LATS2: variants seen among roughly 807,000 people sequenced by gnomAD.
LATS2 encodes large tumor suppressor kinase 2.
A neutral mutation model predicts 76.0 loss-of-function variants in LATS2; 24 were observed. The observed-to-expected ratio is 0.32, with a 90% confidence interval of 0.23 to 0.44. The LOEUF (loss-of-function observed/expected upper bound fraction) is 0.44. LATS2 is among the 20% of genes least tolerant of loss of function. LATS2 has a pLI of 1.00. For synonymous variants in LATS2, 692 were observed against 635.4 expected, an observed-to-expected ratio of 1.09 and a Z score of -1.34; for missense variants, 1,286 against 1,481.2, an observed-to-expected ratio of 0.87 and a Z score of 2.16.
chr13:21,029,533 C>T (rs1872437602), intron 2 of LATS2, among the ~76,000 whole-genome samples: 1 of 152,212 alleles, frequency 6.6e-6, no homozygotes, highest in Non-Finnish European at 1.5e-5. Context: ...TGGCTCATGC[C>T]TGTAATCCCA....
Position 21,006,575 on chromosome 13 carries a change from T to A in LATS2, c.343-15171A>T, listed in dbSNP as rs76750637. Among the ~76,000 whole-genome samples, 820 of 152,300 alleles carry A rather than the reference T, an allele frequency of 5.4e-3. 9 individuals carry two copies. Among genetic ancestry groups the A allele is most frequent in the African/African-American group, 0.019 (791 of 41,574 alleles). On this transcript the variant is annotated intron_variant, in intron 2 of 7. Coordinates refer to ENST00000382592, the MANE Select transcript of LATS2 (RefSeq NM_014572.3). ...CTCCGGAAGAGCAGACTTTTTCTGT[T>A]TGGGCTCCAAGCCACTCCTGGCTCC... is the stretch of plus-strand genomic sequence containing the variant.
chr13:21,024,861 A>G (rs1044788378), intron 2 of LATS2, among the ~76,000 whole-genome samples: 3 of 152,058 alleles, frequency 2.0e-5, no homozygotes, highest in Non-Finnish European at 2.9e-5. Flanking sequence ...GCACACCTCA[A>G]TTGAGATGAG....
intron 1 of LATS2, among the ~76,000 whole-genome samples, chr13:21,050,022 A>C (rs553332344): frequency 5.6e-4 from 85 of 152,174 alleles, no homozygotes; most frequent in Non-Finnish European, 1.1e-3. Context: ...CGGAAGGCTG[A>C]GGCAGGAGAA....
chr13:21,014,192 C>T (rs905181364), intron 2 of LATS2, among the ~76,000 whole-genome samples: 2 of 152,182 alleles, frequency 1.3e-5, no homozygotes, highest in Non-Finnish European at 1.5e-5. Context: ...GGGAAAGGCG[C>T]GCAGGTCACT....
chr13:21,020,480 A>G (rs1872011507), intron 2 of LATS2, among the ~76,000 whole-genome samples: 1 of 152,026 alleles, frequency 6.6e-6, no homozygotes, highest in Non-Finnish European at 1.5e-5. Flanking sequence ...TTTGTAACCA[A>G]AATAGCATTT....
intron 6 of LATS2, among the ~76,000 whole-genome samples, chr13:20,981,121 T>C (rs778446455): frequency 3.9e-5 from 6 of 151,942 alleles, no homozygotes; most frequent in Non-Finnish European, 5.9e-5. Flanking sequence ...AGCCCGGAAA[T>C]GTGTGGTCTG....
intron 1 of LATS2, among the ~76,000 whole-genome samples, chr13:21,058,961 A>G (rs1873536239): frequency 6.6e-6 from 1 of 151,836 alleles, no homozygotes; most frequent in Non-Finnish European, 1.5e-5. Flanking sequence ...AAACATACAA[A>G]GCAGCTTACC....
chr13:21,052,593 C>A (rs1414704920), intron 1 of LATS2, among the ~76,000 whole-genome samples: 1 of 152,144 alleles, frequency 6.6e-6, no homozygotes, highest in African/African-American at 2.4e-5. Flanking sequence ...CTCAAGTGAT[C>A]CACCTGCCTC....
In LATS2 at chr13:21,045,955, C is replaced by T; in HGVS notation, c.72G>A (p.Glu24=). The part of the protein sequence containing the change: ...NSRQRLQEIR[E]GLKQPSKSSV... ...AAGACTTGGATGGCTGTTTTAACCC[C>T]TCACGAATCTCTTGCAGTCGCTGCC... The change falls in exon 2 of 8, where the codon GAG becomes GAA. Residue 24 remains glutamate (E), a synonymous_variant. Coordinates refer to ENST00000382592, the MANE Select transcript of LATS2 (RefSeq NM_014572.3). 2 of 1,614,194 alleles carry T rather than the reference C, an allele frequency of 1.2e-6. No homozygotes were observed. The highest frequency in any genetic ancestry group is 1.1e-5 in the South Asian group (1 of 91,076).
chr13:21,028,092 A>G (rs1595244709), intron 2 of LATS2, among the ~76,000 whole-genome samples: 1 of 151,430 alleles, frequency 6.6e-6, no homozygotes, highest in Non-Finnish European at 1.5e-5. Flanking sequence ...CCCCCACCCC[A>G]CAACAGTCCC....
chr13:21,030,461 C>T (rs1483163255), intron 2 of LATS2, among the ~76,000 whole-genome samples: 3 of 151,692 alleles, frequency 2.0e-5, no homozygotes, highest in South Asian at 4.2e-4. Flanking sequence ...TGGTGGCGGG[C>T]GCCTGTAGTC....
At chr13:21,028,011 T>C (rs936976989) in intron 2 of LATS2, among the ~76,000 whole-genome samples, 7 of 152,166 alleles carry the variant, frequency 4.6e-5, no homozygotes, top group South Asian at 2.1e-4. Flanking sequence ...ACATGTGCCA[T>C]GCTGGTGTGC....
intron 2 of LATS2, among the ~76,000 whole-genome samples, chr13:20,998,680 T>C (rs1870875945): frequency 6.6e-6 from 1 of 152,086 alleles, no homozygotes; most frequent in African/African-American, 2.4e-5. Flanking sequence ...TGCGTGCCCC[T>C]CCCCTGAGCG....
intron 1 of LATS2, among the ~76,000 whole-genome samples, chr13:21,056,121 C>G (rs981965590): frequency 2.1e-4 from 32 of 152,296 alleles, no homozygotes; most frequent in Non-Finnish European, 1.0e-4. Flanking sequence ...AAGGTCTCAC[C>G]TAGGTAGAAT....
chr13:20,989,971 A>C (rs995574179), intron 3 of LATS2, among the ~76,000 whole-genome samples: 1 of 152,242 alleles, frequency 6.6e-6, no homozygotes, highest in Non-Finnish European at 1.5e-5. Context: ...ACCGGAAGGA[A>C]GGACAAAGGT....
chr13:21,002,190 C>T (rs768066493), intron 2 of LATS2, among the ~76,000 whole-genome samples: 11 of 151,760 alleles, frequency 7.2e-5, no homozygotes, highest in African/African-American at 1.9e-4. Flanking sequence ...TGGGATTACA[C>T]GTGTGAGCCA....
At position 20,998,745 on chromosome 13, in the gene LATS2, G is replaced by GCGAGGCGGGGCGGGGCC. The variant is rs1555224840; in HGVS notation, c.343-7358_343-7342dup. Among the ~76,000 whole-genome samples, 1,067 of 152,176 alleles carry GCGAGGCGGGGCGGGGCC rather than the reference G, an allele frequency of 7.0e-3. 11 individuals carry two copies. The highest frequency in any genetic ancestry group is 0.024 in the African/African-American group (1,010 of 41,552). On this transcript the variant is annotated intron_variant, in intron 2 of 7. Transcript: ENST00000382592. ...GGCCCCAAGGCCTTGTCAATGCGGG[G>GCGAGGCGGGGCGGGGCC]CGAGGCGGGGCGGGGCCCGACAACC...
At chr13:20,997,775 G>A (rs993369141) in intron 2 of LATS2, among the ~76,000 whole-genome samples, 5 of 152,224 alleles carry the variant, frequency 3.3e-5, no homozygotes, top group Non-Finnish European at 7.3e-5. Flanking sequence ...TAGCAAGGCA[G>A]GAGCTGGGCT....
At chr13:21,008,298 T>G (rs890824557) in intron 2 of LATS2, among the ~76,000 whole-genome samples, 1 of 152,008 alleles carries the variant, frequency 6.6e-6, no homozygotes, top group South Asian at 2.1e-4. Flanking sequence ...CAGGACCTCT[T>G]TGGCTCTTGC....
Sources: gnomAD v4.1 joint callset for allele counts (sites outside exome capture counted in the v4.1 genomes callset) on GRCh38, gnomAD v4.1.1 for gene constraint, MANE v1.5 for transcripts, NCBI Gene and HGNC (gene_info 2026-07-23, HGNC 2026-07-21) for gene names.